Variants in TMED3 observed in about 807,000 individuals in gnomAD.
TMED3 encodes the protein transmembrane emp24 domain-containing protein 3.
In TMED3, 9 loss-of-function variants were observed where a neutral mutation model predicts 15.0. The ratio of observed to expected loss-of-function variants is 0.60; its 90% confidence interval spans 0.36 to 1.04. The LOEUF (loss-of-function observed/expected upper bound fraction) is 1.04, where lower values mean the gene tolerates loss of function less well. Ranked by LOEUF, TMED3 falls within the 50% of genes least tolerant of loss-of-function variation. The probability of loss-of-function intolerance (pLI) is 0.01; values close to 1 mark genes in which losing one functional copy is unlikely to be tolerated. For missense variants in TMED3, 267 were observed against 278.9 expected, an observed-to-expected ratio of 0.96 and a Z score of 0.30; for synonymous variants, 117 against 121.4, an observed-to-expected ratio of 0.96 and a Z score of 0.24.
chr15:79,365,117 C>A (rs1414873933), intron 2 of TMED3, among the ~76,000 whole-genome samples: 1 of 152,240 alleles, frequency 6.6e-6, no homozygotes, highest in African/African-American at 2.4e-5. Flanking sequence ...GCGATTCACA[C>A]CCCTGCTGAA....
chr15:79,359,224 G>A lies in TMED3; in HGVS notation c.417+45219G>A, dbSNP rs922947767. Among the ~76,000 whole-genome samples the A allele has an allele frequency of 7.8e-5, 11 of 141,884 alleles. No homozygotes were observed. In the South Asian group the frequency reaches 2.6e-3, roughly 33 times the overall value. 93.1% of individuals were successfully genotyped at this position (141,884 alleles called of 152,430 possible). ...GAGGTACAGTTTATTTGAAGGAGAA[G>A]GCTCAGTTTTTTTTTTTTTTTTTTT... On this transcript the variant is annotated intron_variant, in intron 2 of 2. Transcript: ENST00000424155.
intron 2 of TMED3, among the ~76,000 whole-genome samples, chr15:79,389,025 C>T (rs188763754): frequency 2.6e-3 from 403 of 152,198 alleles, no homozygotes; most frequent in Non-Finnish European, 4.7e-3. Flanking sequence ...AAGAATTTCT[C>T]CCACTCTGTG....
chr15:79,330,583 A>G (rs1393735375), intron 2 of TMED3, among the ~76,000 whole-genome samples: 1 of 152,220 alleles, frequency 6.6e-6, no homozygotes, highest in Non-Finnish European at 1.5e-5. Context: ...CAAAAAATTA[A>G]TATTGTTAAA....
In TMED3 at chr15:79,311,328, G is replaced by A. The variant is rs753307497; in HGVS notation, c.79G>A (p.Ala27Thr). ...GCGCCGGGCCGAGCAGCCCTGCGGG[G>A]CCGAGCTCACCTTCGAGCTGCCGGA... ...LLRRAEQPCG[A>T]ELTFELPDNA... is the part of the protein sequence containing the mutation. Residue 27 changes from alanine (A) to threonine (T), a missense_variant, in exon 1 of 3, where the codon GCC (alanine) becomes ACC (threonine). Coordinates refer to ENST00000299705, the MANE Select transcript of TMED3 (RefSeq NM_007364.4). 2 of 1,610,480 alleles carry A rather than the reference G, an allele frequency of 1.2e-6. No individual in the cohort carries two copies. The highest frequency in any genetic ancestry group is 1.1e-5 in the South Asian group (1 of 90,458).
chr15:79,386,228 T>C (rs898870954), intron 2 of TMED3, among the ~76,000 whole-genome samples: 3 of 152,212 alleles, frequency 2.0e-5, no homozygotes, highest in Non-Finnish European at 2.9e-5. Flanking sequence ...TGTGAATACA[T>C]TTAATACCAC....
intron 2 of TMED3, among the ~76,000 whole-genome samples, chr15:79,406,028 C>A (rs1893898868): frequency 6.6e-6 from 1 of 152,218 alleles, no homozygotes; most frequent in South Asian, 2.1e-4. Flanking sequence ...GCGGTTGCAA[C>A]TGAGGCTATC....
chr15:79,321,741 C>G (rs180697957), intron 2 of TMED3, among the ~76,000 whole-genome samples: 1 of 152,202 alleles, frequency 6.6e-6, no homozygotes, highest in South Asian at 2.1e-4. Context: ...GCTCAGGACT[C>G]AGACTCTAAC....
intron 2 of TMED3, 98 bp from the exon 3 acceptor site, chr15:79,321,880 G>A: frequency 7.1e-7 from 1 of 1,401,434 alleles, no homozygotes; most frequent in South Asian, 1.3e-5. Context: ...AGCATTCAGT[G>A]GATATCACCT....
At chr15:79,364,295 C>T (rs1192574485) in intron 2 of TMED3, among the ~76,000 whole-genome samples, 3 of 152,142 alleles carry the variant, frequency 2.0e-5, no homozygotes, top group East Asian at 3.9e-4. Context: ...CATGTTTAAG[C>T]AAGCCCCCTG....
Position 79,342,914 on chromosome 15 carries a change from T to C in TMED3, c.417+28909T>C, listed in dbSNP as rs2058856657. Among the ~76,000 whole-genome samples the C allele has an allele frequency of 3.9e-5, 6 of 152,248 alleles. No homozygotes were observed. The South Asian group carries it at 1.2e-3, about 32-fold the overall frequency. ...TAATATTAGGTACTGATAAGTGCTATAAAGACAAAGTTAGGTGTGGGTATA... is the reference window on the plus strand; with the variant it reads ...TAATATTAGGTACTGATAAGTGCTACAAAGACAAAGTTAGGTGTGGGTATA... On this transcript the variant is annotated intron_variant, in intron 2 of 2. Transcript: ENST00000424155.
At chr15:79,319,361 A>G (rs1057493757) in intron 2 of TMED3, among the ~76,000 whole-genome samples, 1 of 152,204 alleles carries the variant, frequency 6.6e-6, no homozygotes, top group Non-Finnish European at 1.5e-5. Context: ...TCTTCCTTAC[A>G]TAGTCTAGTT....
At chr15:79,377,693 GC>G (rs1893453705) in intron 2 of TMED3, among the ~76,000 whole-genome samples, 1 of 147,034 alleles carries the variant, frequency 6.8e-6, no homozygotes, top group African/African-American at 2.6e-5. Flanking sequence ...TTTCGCCCAG[GC>G]CAGACTGCAG....
In TMED3 at chr15:79,322,245, C is replaced by T. The variant is rs200163755; in HGVS notation, c.*31C>T. ...GCATCCTGCTCTAGGGCCCCTCATG[C>T]CCCAGGCTGGAGCAGCTCTCCTAGG... On this transcript the variant is annotated 3_prime_UTR_variant, in exon 3 of 3. Transcript: ENST00000299705. 3.6e-4 allele frequency: 578 copies of T among 1,594,560 alleles called. 2 individuals are homozygous for T. The highest frequency in any genetic ancestry group is 2.0e-5 in the Non-Finnish European group (23 of 1,168,814).
chr15:79,327,165 G>T (rs1297503020), downstream of TMED3, among the ~76,000 whole-genome samples: 1 of 152,108 alleles, frequency 6.6e-6, no homozygotes, highest in Non-Finnish European at 1.5e-5. Context: ...TCCAACACTG[G>T]TATCAAATTT....
At chr15:79,368,611 T>A (rs1893281397) in intron 2 of TMED3, among the ~76,000 whole-genome samples, 1 of 152,156 alleles carries the variant, frequency 6.6e-6, no homozygotes, top group Non-Finnish European at 1.5e-5. Flanking sequence ...TCTTAATAAA[T>A]CTAATCTAGA....
intron 2 of TMED3, among the ~76,000 whole-genome samples, chr15:79,366,024 C>T (rs1893228157): frequency 6.6e-6 from 1 of 152,166 alleles, no homozygotes; most frequent in Admixed American, 6.5e-5. Context: ...ATAAAGCAGA[C>T]AAGCTATAGG....
At chr15:79,328,540 G>T (rs368299633) in intron 2 of TMED3, among the ~76,000 whole-genome samples, 131 of 152,194 alleles carry the variant, frequency 8.6e-4, no homozygotes, top group African/African-American at 2.6e-3. Context: ...AAATGGGCTG[G>T]GTTTGCATTG....
intron 2 of TMED3, chr15:79,314,794 T>G: frequency 3.7e-6 from 1 of 273,182 alleles, no homozygotes; most frequent in Non-Finnish European, 7.6e-6. Context: ...CTGTCAAGGT[T>G]CATTATTCTC....
chr15:79,360,319 A>G (rs1322741904), intron 2 of TMED3, among the ~76,000 whole-genome samples: 1 of 152,186 alleles, frequency 6.6e-6, no homozygotes, highest in Non-Finnish European at 1.5e-5. Flanking sequence ...ATATTAAAGT[A>G]GAGGGCCCAG....
Sources: gnomAD v4.1 joint callset for allele counts (sites outside exome capture counted in the v4.1 genomes callset) on GRCh38, gnomAD v4.1.1 for gene constraint, MANE v1.5 for transcripts, NCBI Gene and HGNC (gene_info 2026-07-23, HGNC 2026-07-21) for gene names.